FAM133A: variants seen among roughly 807,000 people sequenced by gnomAD.
FAM133A encodes protein FAM133A.
For missense variants in FAM133A, 159 were observed against 164.4 expected (o/e 0.97, Z 0.18); for synonymous variants, 65 against 58.6 (o/e 1.11, Z -0.50).
intron 2 of FAM133A, among the ~76,000 whole-genome samples, chrX:93,693,161 G>T (rs1926002623): frequency 9.0e-6 from 1 of 111,150 alleles, no homozygotes; most frequent in Non-Finnish European, 1.9e-5. Flanking sequence ...TGGAAGCCAG[G>T]GTCTTTCTGA....
At position 93,709,486 on chromosome X, in the gene FAM133A, A is replaced by G. The variant is rs773045010; in HGVS notation, c.67A>G (p.Thr23Ala). 20 of 1,204,268 alleles carry G rather than the reference A, an allele frequency of 1.7e-5. No homozygotes were observed. The highest frequency in any genetic ancestry group is 4.5e-5 in the Admixed American group (2 of 44,630). Residue 23 changes from threonine to alanine, a missense_variant, in exon 4 of 4, where the codon ACT becomes GCT. Transcript: ENST00000683942. ...PIAMARWRGP[T>A]QSVGPTIQDY... ...AGCAATGGCCAGATGGAGAGGCCCA[A>G]CTCAATCTGTGGGCCCAACAATCCA...
At chrX:93,696,194 G>C (rs1052393697) in intron 2 of FAM133A, among the ~76,000 whole-genome samples, 2 of 111,082 alleles carry the variant, frequency 1.8e-5, no homozygotes, top group Admixed American at 9.6e-5. Context: ...CAGGCAGCTC[G>C]ATAAAAATAA....
intron 2 of FAM133A, among the ~76,000 whole-genome samples, chrX:93,694,780 T>A (rs1926115502): frequency 9.0e-6 from 1 of 110,873 alleles, no homozygotes; most frequent in East Asian, 2.9e-4. Context: ...ATTAAAAAAA[T>A]CTACTGACTC....
chrX:93,675,307 C>T (rs1924607977), intron 2 of FAM133A, among the ~76,000 whole-genome samples: 3 of 111,926 alleles, frequency 2.7e-5, no homozygotes, highest in Non-Finnish European at 5.7e-5. Flanking sequence ...TTTATGTATA[C>T]TGCTTTATCT....
chrX:93,673,796 G>T (rs1307949950), upstream of FAM133A, among the ~76,000 whole-genome samples: 1 of 108,303 alleles, frequency 9.2e-6, no homozygotes, highest in Non-Finnish European at 1.9e-5. Context: ...CGACCCCTTG[G>T]AAGGTGTCCC....
chrX:93,695,726 C>T (rs1307374640), intron 2 of FAM133A, among the ~76,000 whole-genome samples: 1 of 98,971 alleles, frequency 1.0e-5, no homozygotes, highest in African/African-American at 3.7e-5. Context: ...ACTGCAAGCT[C>T]CGCCTCCCGG....
At chrX:93,697,168 TA>T (rs10549136) in intron 2 of FAM133A, among the ~76,000 whole-genome samples, 2,782 of 73,902 alleles carry the variant, frequency 0.038, 83 homozygotes, top group African/African-American at 0.25. Flanking sequence ...ATAGGCAAGT[TA>T]TATATATATA....
At chrX:93,692,562 T>C (rs1925962952) in intron 2 of FAM133A, among the ~76,000 whole-genome samples, 1 of 111,914 alleles carries the variant, frequency 8.9e-6, no homozygotes, top group South Asian at 3.7e-4. Flanking sequence ...GTTACTGAGA[T>C]TGGCTTTGTA....
At chrX:93,677,498 C>A (rs1270349086) in intron 2 of FAM133A, among the ~76,000 whole-genome samples, 1 of 111,437 alleles carries the variant, frequency 9.0e-6, no homozygotes, top group Non-Finnish European at 1.9e-5. Flanking sequence ...AATAGGCACA[C>A]AATAAATGTG....
chrX:93,705,719 G>A (rs1428868466), intron 3 of FAM133A, among the ~76,000 whole-genome samples: 1 of 110,301 alleles, frequency 9.1e-6, no homozygotes, highest in African/African-American at 3.3e-5. Flanking sequence ...CTGCTCTTGG[G>A]GGAAGAAATT....
chrX:93,701,513 T>C (rs929320718), intron 3 of FAM133A, among the ~76,000 whole-genome samples: 2 of 111,569 alleles, frequency 1.8e-5, no homozygotes, highest in Non-Finnish European at 3.8e-5. Flanking sequence ...ATTTGTTTCA[T>C]GTAAGGTGAC....
intron 2 of FAM133A, among the ~76,000 whole-genome samples, chrX:93,693,727 C>T (rs1463461778): frequency 9.0e-6 from 1 of 111,414 alleles, no homozygotes; most frequent in Non-Finnish European, 1.9e-5. Context: ...CTAAAGGTAG[C>T]ATTCATCCAT....
At chrX:93,674,874 T>A (rs1251346872) in intron 2 of FAM133A, 122 bp downstream of exon 2, 1 of 111,714 alleles carries the variant, frequency 9.0e-6, no homozygotes, top group African/African-American at 3.2e-5. Flanking sequence ...GATAATTCTA[T>A]GGAAACAGGA....
rs1339866464 is a variant in FAM133A, at chrX:93,712,081, T to G, written c.*1915T>G. 1 of 123,033 alleles carries G rather than the reference T, an allele frequency of 8.1e-6. No individual in the cohort carries two copies. The highest frequency in any genetic ancestry group is 3.3e-5 in the African/African-American group (1 of 30,686). The allele number at this position is 123,033 out of a possible 1,213,427, so 10.1% of individuals were successfully genotyped here. On this transcript the variant is annotated 3_prime_UTR_variant, in exon 4 of 4. Transcript: ENST00000683942. Reference sequence around the variant, plus strand: ...TTCCATGTTGGACTGTAAAAAGTTCTGCATGACCCTCCAGTTTTCTTTTGC... The same window carrying G: ...TTCCATGTTGGACTGTAAAAAGTTCGGCATGACCCTCCAGTTTTCTTTTGC...
chrX:93,681,579 C>T (rs1925161248), intron 2 of FAM133A, among the ~76,000 whole-genome samples: 1 of 111,533 alleles, frequency 9.0e-6, no homozygotes, highest in African/African-American at 3.3e-5. Flanking sequence ...CTTCACAATT[C>T]TCTAAGAAGT....
intron 2 of FAM133A, among the ~76,000 whole-genome samples, chrX:93,690,139 G>A (rs967657798): frequency 2.7e-5 from 3 of 111,148 alleles, no homozygotes; most frequent in African/African-American, 9.8e-5. Context: ...TGCATACGGT[G>A]AGCCTAAAAA....
intron 3 of FAM133A, among the ~76,000 whole-genome samples, chrX:93,700,289 G>T (rs1367095320): frequency 9.1e-6 from 1 of 110,487 alleles, no homozygotes; most frequent in East Asian, 2.8e-4. Flanking sequence ...GATATATTTG[G>T]AATAAAAACC....
chrX:93,706,473 A>G (rs1927050370), intron 3 of FAM133A, among the ~76,000 whole-genome samples: 1 of 111,706 alleles, frequency 9.0e-6, no homozygotes, highest in African/African-American at 3.3e-5. Context: ...GACCCTAGCT[A>G]TCACTCAGCG....
chrX:93,683,960 C>T (rs1308141917), intron 2 of FAM133A, among the ~76,000 whole-genome samples: 1 of 111,370 alleles, frequency 9.0e-6, no homozygotes, highest in East Asian at 2.8e-4. Context: ...GTAGACTTTT[C>T]ACATTGTTGA....
Sources: allele counts gnomAD v4.1 joint callset (sites outside exome capture counted in the v4.1 genomes callset), GRCh38; gene constraint gnomAD v4.1.1; transcripts MANE v1.5; gene names NCBI Gene and HGNC (gene_info 2026-07-23, HGNC 2026-07-21).